Variants in ZC3H6 observed in about 807,000 individuals in gnomAD.
ZC3H6 encodes zinc finger CCCH-type containing 6.
In ZC3H6, 40 loss-of-function variants were observed where a neutral mutation model predicts 107.7. The observed-to-expected ratio is 0.37, with a 90% CI of 0.29 to 0.48. The LOEUF (loss-of-function observed/expected upper bound fraction) is 0.48. Among genes scored for constraint, ZC3H6 ranks in the 20% least tolerant of loss-of-function variants. The pLI is 0.98. For missense variants in ZC3H6, 1,267 were observed against 1,410.4 expected, an observed-to-expected ratio of 0.90 and a Z score of 1.63; for synonymous variants, 493 against 487.9, an observed-to-expected ratio of 1.01 and a Z score of -0.14.
rs143222781 is a variant in ZC3H6, at chr2:112,315,005, T to C, written c.748-1465T>C. Among the ~76,000 whole-genome samples, 62 of 152,314 alleles carry C rather than the reference T, an allele frequency of 4.1e-4. 3 individuals carry two copies. The East Asian group carries it at 8.1e-3, about 20-fold the overall frequency. On this transcript the variant is annotated intron_variant, in intron 5 of 11. Transcript: ENST00000409871. The stretch of plus-strand genomic sequence containing the variant: ...GATTTCAATTTAGACATCTATTGCC[T>C]CAATGTTTGCTGTGAGGCAATCTCT...
chr2:112,276,049 C>T, intron 1 of ZC3H6, 23 bp downstream of exon 1: 7 of 1,539,128 alleles, frequency 4.5e-6, no homozygotes, highest in Admixed American at 2.0e-5. Context: ...TCTTGTCTGT[C>T]TTTCTGTCGG....
intron 8 of ZC3H6, among the ~76,000 whole-genome samples, chr2:112,322,146 T>TCCTTCCTC (rs1202940470): frequency 1.4e-5 from 2 of 144,786 alleles, no homozygotes; most frequent in Non-Finnish European, 3.0e-5. Flanking sequence ...CTTCCCTCCT[T>TCCTTCCTC]CCTTCCTCCC....
At chr2:112,288,386 G>C (rs1440655413) in intron 1 of ZC3H6, among the ~76,000 whole-genome samples, 2 of 152,190 alleles carry the variant, frequency 1.3e-5, no homozygotes, top group Non-Finnish European at 2.9e-5. Flanking sequence ...GTTCAGTTAA[G>C]TCACGAAGGG....
chr2:112,309,902 A>G lies in ZC3H6; in HGVS notation c.354A>G (p.Gly118=). 1.9e-6 allele frequency: 3 copies of G among 1,583,000 alleles called. No individual in the cohort carries two copies. Among genetic ancestry groups the G allele is most frequent in the Non-Finnish European group, 2.6e-6 (3 of 1,163,584 alleles). ...TCACTTAGCGTGGACATATATCAGG[A>G]AGCTACATAACATCAAAGAAGGGTC... ...IPFTQRGHIS[G]SYITSKKGQH... is the part of the protein sequence containing the mutation. The change falls in exon 4 of 12, where the codon GGA becomes GGG. Residue 118 remains glycine (G), a synonymous_variant. Coordinates refer to ENST00000409871, the MANE Select transcript of ZC3H6 (RefSeq NM_198581.3).
intron 3 of ZC3H6, among the ~76,000 whole-genome samples, chr2:112,304,370 A>G (rs1233928658): frequency 1.3e-5 from 2 of 152,184 alleles, no homozygotes; most frequent in Admixed American, 6.5e-5. Flanking sequence ...GTATTTTCTC[A>G]CAGTCTGGAG....
At chr2:112,304,256 G>A (rs577145000) in intron 3 of ZC3H6, among the ~76,000 whole-genome samples, 16 of 152,140 alleles carry the variant, frequency 1.1e-4, no homozygotes, top group African/African-American at 3.9e-4. Context: ...ATCAGACATA[G>A]GCTGTAAATT....
intron 2 of ZC3H6, among the ~76,000 whole-genome samples, chr2:112,302,293 C>T (rs940796248): frequency 6.6e-6 from 1 of 152,016 alleles, no homozygotes; most frequent in Non-Finnish European, 1.5e-5. Context: ...TTTATGTCAC[C>T]TATCAAATCA....
chr2:112,289,863 C>T (rs1172173942), intron 1 of ZC3H6, among the ~76,000 whole-genome samples: 2 of 152,206 alleles, frequency 1.3e-5, no homozygotes, highest in African/African-American at 4.8e-5. Flanking sequence ...ACCCCAGCCT[C>T]CAGAGTGGCT....
intron 1 of ZC3H6, among the ~76,000 whole-genome samples, chr2:112,283,138 C>G (rs1019526908): frequency 3.9e-5 from 6 of 152,096 alleles, no homozygotes; most frequent in Non-Finnish European, 5.9e-5. Flanking sequence ...TGAGGACATT[C>G]TTATTCCCAG....
chr2:112,333,362 G>A lies in ZC3H6; in HGVS notation c.*874G>A, dbSNP rs932822555. ...AACAAAATTTTTAAAGACCCAGTGA[G>A]AGTCTGTAGTGATTATTACACGGAT... On this transcript the variant is annotated 3_prime_UTR_variant, in exon 12 of 12. Coordinates refer to ENST00000409871, the MANE Select transcript of ZC3H6 (RefSeq NM_198581.3). 7 of 152,668 alleles carry A rather than the reference G, an allele frequency of 4.6e-5. 1 individual carries two copies. In the South Asian group the frequency reaches 1.2e-3, roughly 27 times the overall value. The allele number at this position is 152,668 out of a possible 1,614,324, so 9.5% of individuals were successfully genotyped here.
intron 2 of ZC3H6, 57 bp downstream of exon 2, chr2:112,300,086 TG>T: frequency 8.7e-7 from 1 of 1,145,914 alleles, no homozygotes; most frequent in Non-Finnish European, 1.1e-6. Context: ...TATAAAATAC[TG>T]AAAATTAGAA....
chr2:112,311,169 C>G (rs550014508), intron 4 of ZC3H6, among the ~76,000 whole-genome samples: 1 of 152,284 alleles, frequency 6.6e-6, no homozygotes, highest in East Asian at 1.9e-4. Flanking sequence ...AGGCTTACAC[C>G]TTAAGTCCCA....
At chr2:112,327,970 A>G (rs1214980877) in intron 11 of ZC3H6, among the ~76,000 whole-genome samples, 2 of 151,802 alleles carry the variant, frequency 1.3e-5, no homozygotes, top group South Asian at 4.2e-4. Flanking sequence ...GCTCACCACA[A>G]CCTCTGCCTC....
chr2:112,327,460 A>G lies in ZC3H6; in HGVS notation c.2086+2263A>G, dbSNP rs758105025. ...AGGTAGTTTGCAGATATTTTCTCCC[A>G]TTCTGTGGATTGTCTCATCATTTGT... On this transcript the variant is annotated intron_variant, in intron 11 of 11. Transcript: ENST00000409871. Among the ~76,000 whole-genome samples the G allele has an allele frequency of 1.0e-3, 158 of 152,092 alleles. 3 individuals are homozygous for G. Among genetic ancestry groups the G allele is most frequent in the Non-Finnish European group, 2.4e-4 (16 of 68,018 alleles).
At position 112,338,755 on chromosome 2, in the gene ZC3H6, A is replaced by G. The variant is rs992114944; in HGVS notation, c.*6267A>G. On this transcript the variant is annotated 3_prime_UTR_variant, in exon 12 of 12. Coordinates refer to ENST00000409871, the MANE Select transcript of ZC3H6 (RefSeq NM_198581.3). ...TTTATTGTAAAGAAATTAAATATAT[A>G]GAGGCTCAATTAAAAAATAACCATA... 2 of 151,186 alleles carry G rather than the reference A, an allele frequency of 1.3e-5. No individual in the cohort carries two copies. The highest frequency in any genetic ancestry group is 3.9e-4 in the East Asian group (2 of 5,180). 9.4% of individuals were successfully genotyped at this position (151,186 alleles called of 1,614,324 possible).
rs1184837581 is a variant in ZC3H6 at position 112,334,176 on chromosome 2, T to A, written c.*1688T>A. 1 of 152,146 alleles carries A rather than the reference T, an allele frequency of 6.6e-6. No homozygotes were observed. The highest frequency in any genetic ancestry group is 1.5e-5 in the Non-Finnish European group (1 of 67,984). 9.4% of individuals were successfully genotyped at this position (152,146 alleles called of 1,614,324 possible). A position where few individuals can be genotyped will look rare whatever the true frequency, so the allele number is the denominator to read the frequency against. ...TGTAATTTAAAGCCACCATAGAAAG[T>A]ATTTTCTGATTTACTGTCCAAATGA... On this transcript the variant is annotated 3_prime_UTR_variant, in exon 12 of 12. Coordinates refer to ENST00000409871, the MANE Select transcript of ZC3H6 (RefSeq NM_198581.3).
intron 1 of ZC3H6, among the ~76,000 whole-genome samples, chr2:112,279,951 C>T (rs186323854): frequency 1.6e-4 from 25 of 152,220 alleles, no homozygotes; most frequent in Admixed American, 7.8e-4. Flanking sequence ...GGCTTTAATC[C>T]TTGAGTAGTT....
At chr2:112,315,055 G>T (rs183900899) in intron 5 of ZC3H6, among the ~76,000 whole-genome samples, 241 of 152,250 alleles carry the variant, frequency 1.6e-3, no homozygotes, top group African/African-American at 5.4e-3. Flanking sequence ...TGAACTTTAT[G>T]CTCTATCTTT....
Position 112,324,540 on chromosome 2 carries a change from C to T in ZC3H6, c.1729C>T (p.Gln577Ter). The change falls in exon 10 of 12, where the codon CAA (glutamine) becomes TAA (stop). Residue 577 changes from glutamine to a stop codon, truncating the protein, a stop_gained. Coordinates refer to ENST00000409871, the MANE Select transcript of ZC3H6 (RefSeq NM_198581.3). LOFTEE classifies it high-confidence loss of function. ...NHCSPGSSYQ[Q>*]SPGEMQLNTN... The stretch of plus-strand genomic sequence containing the variant: ...CTGTTCTCCAGGTTCATCATACCAG[C>T]AAAGTCCTGGTGAAATGCAGCTCAA... 1 of 1,612,694 alleles carries T rather than the reference C, an allele frequency of 6.2e-7. No individual in the cohort carries two copies. Among genetic ancestry groups the T allele is most frequent in the Non-Finnish European group, 8.5e-7 (1 of 1,179,298 alleles).
Sources: gnomAD v4.1 joint callset for allele counts (sites outside exome capture counted in the v4.1 genomes callset) on GRCh38, gnomAD v4.1.1 for gene constraint, MANE v1.5 for transcripts, NCBI Gene and HGNC (gene_info 2026-07-23, HGNC 2026-07-21) for gene names.